The following TRMT11 variants were observed in gnomAD, a reference collection of about 807,000 sequenced individuals.
TRMT11 encodes the protein tRNA (guanine(10)-N(2))-methyltransferase TRMT11.
Under a neutral mutation model 62.8 loss-of-function variants are expected in TRMT11, and 53 were observed. The ratio of observed to expected loss-of-function variants is 0.84; its 90% CI spans 0.68 to 1.06. The LOEUF (loss-of-function observed/expected upper bound fraction) is 1.06, where lower values mean the gene tolerates loss of function less well. TRMT11 is among the 50% of genes least tolerant of loss of function. The pLI, the probability that TRMT11 is intolerant of heterozygous loss-of-function variation, is 0.00. For synonymous variants in TRMT11, 188 were observed against 190.3 expected, an observed-to-expected ratio of 0.99 and a Z score of 0.10; for missense variants, 556 against 553.4, an observed-to-expected ratio of 1.00 and a Z score of -0.05.
chr6:126,238,397 T>G, the TRMT11 span, among the ~76,000 whole-genome samples: 1 of 152,186 alleles, frequency 6.6e-6, no homozygotes, highest in African/African-American at 2.4e-5. Flanking sequence ...TCCCAGAGAT[T>G]CTGGTATGTT....
the TRMT11 span, among the ~76,000 whole-genome samples, chr6:126,236,056 G>C: frequency 6.6e-6 from 1 of 152,158 alleles, no homozygotes; most frequent in Non-Finnish European, 1.5e-5. Flanking sequence ...TTGTGACCTG[G>C]GTTAGGATTC....
downstream of TRMT11, among the ~76,000 whole-genome samples, chr6:126,040,034 G>A (rs1398816060): frequency 1.3e-5 from 2 of 152,042 alleles, no homozygotes; most frequent in Non-Finnish European, 2.9e-5. Context: ...ACACTGGGGG[G>A]AAATCTAAAA....
At chr6:126,060,513 C>G (rs1283742659) in intron 17 of TRMT11, among the ~76,000 whole-genome samples, 1 of 152,192 alleles carries the variant, frequency 6.6e-6, no homozygotes, top group African/African-American at 2.4e-5. Flanking sequence ...TGACTCTGCC[C>G]TCTCTCCAGA....
At chr6:126,139,214 C>A (rs759665875) in intron 21 of TRMT11, among the ~76,000 whole-genome samples, 41 of 152,038 alleles carry the variant, frequency 2.7e-4, no homozygotes, top group Non-Finnish European at 5.3e-4. Context: ...AAAACTAATA[C>A]ATATATCCAG....
intron 12 of TRMT11, among the ~76,000 whole-genome samples, chr6:126,022,866 G>A (rs1471424940): frequency 6.6e-6 from 1 of 152,080 alleles, no homozygotes; most frequent in African/African-American, 2.4e-5. Context: ...AAAATGTATG[G>A]CAGTCATTTT....
At chr6:126,133,499 CT>C (rs2128208238) in intron 21 of TRMT11, among the ~76,000 whole-genome samples, 1 of 152,078 alleles carries the variant, frequency 6.6e-6, no homozygotes, top group Admixed American at 6.6e-5. Flanking sequence ...GTTCCTTCTG[CT>C]GTGTTTCATG....
chr6:126,094,296 A>G (rs746322230), intron 17 of TRMT11, among the ~76,000 whole-genome samples: 5 of 152,238 alleles, frequency 3.3e-5, no homozygotes, highest in South Asian at 2.1e-4. Context: ...TAAGAACTCT[A>G]TCAAAGAACA....
intron 17 of TRMT11, among the ~76,000 whole-genome samples, chr6:126,055,999 A>G (rs1776363962): frequency 6.6e-6 from 1 of 152,230 alleles, no homozygotes; most frequent in Non-Finnish European, 1.5e-5. Flanking sequence ...CTCAATGTCA[A>G]ACAATACAAG....
intron 6 of TRMT11, 45 bp from the exon 7 acceptor site, chr6:125,999,412 C>T (rs781155002): frequency 2.0e-6 from 3 of 1,471,456 alleles, no homozygotes; most frequent in Admixed American, 2.2e-5. Context: ...TATCTTAAGT[C>T]TATTCTGTAT....
chr6:126,140,610 C>T (rs1300859732), intron 21 of TRMT11, among the ~76,000 whole-genome samples: 2 of 151,992 alleles, frequency 1.3e-5, no homozygotes, highest in African/African-American at 2.4e-5. Context: ...AGAAATTTGA[C>T]CATTTTAGCT....
At chr6:126,173,736 G>T (rs1031393361), upstream of TRMT11, among the ~76,000 whole-genome samples, 1 of 152,240 alleles carries the variant, frequency 6.6e-6, no homozygotes, top group Non-Finnish European at 1.5e-5. Context: ...TACAGAGACT[G>T]TGTGGCCTCA....
rs1423209809 is a variant in TRMT11, at chr6:126,125,544, TTATC to T, written c.*1823+9690_*1823+9693del. ...ATATATAAATTTATTTCATGGATAT[TTATC>T]AAGGTTCTATTATGGGCCACGTATA... is the stretch of plus-strand genomic sequence containing the variant. On this transcript the variant is annotated intron_variant and NMD_transcript_variant, in intron 21 of 22. Transcript: ENST00000648977. Among the ~76,000 whole-genome samples, 5 of 152,222 alleles carry T rather than the reference TTATC, an allele frequency of 3.3e-5. No individual in the cohort carries two copies. The East Asian group carries it at 9.7e-4, about 30-fold the overall frequency.
chr6:126,233,145 C>T, the TRMT11 span, among the ~76,000 whole-genome samples: 29 of 152,226 alleles, frequency 1.9e-4, no homozygotes, highest in Admixed American at 1.4e-3. Flanking sequence ...TTAATTTGTA[C>T]CAAATCACAT....
intron 21 of TRMT11, among the ~76,000 whole-genome samples, chr6:126,142,365 C>T (rs927680551): frequency 1.7e-4 from 26 of 152,174 alleles, no homozygotes; most frequent in African/African-American, 6.0e-4. Flanking sequence ...TGATCACTTT[C>T]ATGGCATTTG....
chr6:126,123,089 G>A (rs1364761403), intron 21 of TRMT11, among the ~76,000 whole-genome samples: 2 of 152,104 alleles, frequency 1.3e-5, no homozygotes, highest in South Asian at 2.1e-4. Context: ...TGTAATGTGC[G>A]ATGATAATAT....
intron 21 of TRMT11, among the ~76,000 whole-genome samples, chr6:126,167,525 C>T (rs1778282730): frequency 6.6e-6 from 1 of 152,224 alleles, no homozygotes; most frequent in South Asian, 2.1e-4. Context: ...TCTTTGATCT[C>T]ACTGGGAGCT....
intron 21 of TRMT11, among the ~76,000 whole-genome samples, chr6:126,150,109 G>A (rs1397400339): frequency 6.6e-6 from 1 of 152,120 alleles, no homozygotes; most frequent in Non-Finnish European, 1.5e-5. Context: ...TCCATTCATG[G>A]ATTAATGGAC....
chr6:126,119,349 G>T (rs577282709), intron 21 of TRMT11, among the ~76,000 whole-genome samples: 28 of 152,104 alleles, frequency 1.8e-4, no homozygotes, highest in Non-Finnish European at 3.5e-4. Context: ...ACATTTCATA[G>T]TGTATCACTC....
chr6:126,116,017 C>CTT (rs577116368), intron 21 of TRMT11, among the ~76,000 whole-genome samples: 51 of 136,444 alleles, frequency 3.7e-4, no homozygotes, highest in African/African-American at 8.6e-4. Context: ...CCTTAGGGTC[C>CTT]TTTTTTTTTT....
Sources: gnomAD v4.1 joint callset for allele counts (sites outside exome capture counted in the v4.1 genomes callset) on GRCh38, gnomAD v4.1.1 for gene constraint, MANE v1.5 for transcripts, NCBI Gene and HGNC (gene_info 2026-07-23, HGNC 2026-07-21) for gene names.